The following CADM2 variants were observed in gnomAD, a reference collection of about 807,000 sequenced individuals.
CADM2 encodes the protein cell adhesion molecule 2, also known as immunoglobulin superfamily member 4D.
CADM2 carries 12 observed loss-of-function variants against 49.8 expected under a neutral mutation model. The ratio of observed to expected loss-of-function variants is 0.24; its 90% CI spans 0.15 to 0.39. CADM2 has a LOEUF of 0.39. Among genes scored for constraint, CADM2 ranks in the 10% least tolerant of loss-of-function variants. The probability of loss-of-function intolerance (pLI) is 1.00; values close to 1 mark genes in which losing one functional copy is unlikely to be tolerated. For synonymous variants in CADM2, 214 were observed against 175.4 expected (o/e 1.22, Z -1.74); for missense variants, 378 against 492.3 (o/e 0.77, Z 2.20).
intron 8 of CADM2, among the ~76,000 whole-genome samples, chr3:86,060,198 T>A (rs1738456224): frequency 1.3e-5 from 2 of 151,412 alleles, no homozygotes; most frequent in African/African-American, 4.9e-5. Context: ...TACAACAAAT[T>A]TTAACAGATC....
intron 3 of CADM2, among the ~76,000 whole-genome samples, chr3:85,856,584 G>A (rs965174636): frequency 1.2e-4 from 18 of 152,040 alleles, no homozygotes; most frequent in African/African-American, 3.9e-4. Flanking sequence ...TCAGAAATAT[G>A]GTCAAGGATT....
intron 8 of CADM2, among the ~76,000 whole-genome samples, chr3:86,059,439 G>T (rs538437059): frequency 3.9e-5 from 6 of 152,106 alleles, no homozygotes; most frequent in Non-Finnish European, 8.8e-5. Context: ...AACTCTAAAT[G>T]AAAGTTGTTA....
intron 1 of CADM2, among the ~76,000 whole-genome samples, chr3:85,199,476 T>G (rs1022080891): frequency 6.6e-6 from 1 of 151,710 alleles, no homozygotes; most frequent in African/African-American, 2.4e-5. Flanking sequence ...TTTCAAAATT[T>G]TTTTTTTTTA....
intron 1 of CADM2, among the ~76,000 whole-genome samples, chr3:85,487,341 T>C (rs2039460739): frequency 6.6e-6 from 1 of 152,094 alleles, no homozygotes; most frequent in Non-Finnish European, 1.5e-5. Flanking sequence ...AAACAACACA[T>C]CCATCTCTAG....
intron 5 of CADM2, among the ~76,000 whole-genome samples, chr3:85,896,896 A>G (rs1031165041): frequency 2.6e-5 from 4 of 152,198 alleles, no homozygotes; most frequent in South Asian, 2.1e-4. Flanking sequence ...CTCAGGTGGT[A>G]GTTTACAAAA....
intron 1 of CADM2, among the ~76,000 whole-genome samples, chr3:85,100,343 C>T (rs1467018773): frequency 1.3e-5 from 2 of 152,104 alleles, no homozygotes; most frequent in African/African-American, 4.8e-5. Flanking sequence ...TGCTTTCAAG[C>T]GTGCAGTGAT....
chr3:85,306,536 G>A (rs928170767), intron 1 of CADM2, among the ~76,000 whole-genome samples: 19 of 151,682 alleles, frequency 1.3e-4, no homozygotes, highest in African/African-American at 4.1e-4. Flanking sequence ...ACATGGAATA[G>A]TTTTCACCAA....
chr3:85,769,489 A>ATATATACATATATGTATATATACACG lies in CADM2; in HGVS notation c.89-32492_89-32467dup, dbSNP rs71112115. On this transcript the variant is annotated intron_variant, in intron 2 of 9. Coordinates refer to ENST00000383699, the MANE Select transcript of CADM2 (RefSeq NM_001167675.2). ...ATATAGTATATATACACGTATATAC[A>ATATATACATATATGTATATATACACG]TATATACATATATGTATATATACAC... Among the ~76,000 whole-genome samples the ATATATACATATATGTATATATACACG allele has an allele frequency of 7.2e-3, 399 of 55,282 alleles. 44 individuals are homozygous for ATATATACATATATGTATATATACACG. The highest frequency in any genetic ancestry group is 0.035 in the African/African-American group (330 of 9,414). 36.3% of individuals were successfully genotyped at this position (55,282 alleles called of 152,430 possible).
chr3:85,315,108 A>G (rs968091199), intron 1 of CADM2, among the ~76,000 whole-genome samples: 13 of 152,138 alleles, frequency 8.5e-5, no homozygotes, highest in African/African-American at 2.9e-4. Flanking sequence ...TAGCTTGCAG[A>G]TATGTCACTC....
intron 1 of CADM2, among the ~76,000 whole-genome samples, chr3:85,182,584 A>G (rs2040963174): frequency 6.6e-6 from 1 of 152,106 alleles, no homozygotes; most frequent in Admixed American, 6.6e-5. Context: ...TAGATGTAAC[A>G]TTGTATGTTA....
At chr3:85,974,085 A>G (rs1024616348) in intron 8 of CADM2, among the ~76,000 whole-genome samples, 2 of 151,720 alleles carry the variant, frequency 1.3e-5, no homozygotes, top group Non-Finnish European at 2.9e-5. Context: ...TATAAGGCTG[A>G]GCCTACAGTT....
chr3:85,108,732 A>G (rs1446125355), intron 1 of CADM2, among the ~76,000 whole-genome samples: 2 of 152,176 alleles, frequency 1.3e-5, no homozygotes, highest in African/African-American at 4.8e-5. Flanking sequence ...TAAGAAATAG[A>G]TAGAAGGGAT....
intron 1 of CADM2, among the ~76,000 whole-genome samples, chr3:85,447,522 A>G (rs13320662): frequency 1.0e-3 from 157 of 152,314 alleles, no homozygotes; most frequent in African/African-American, 3.7e-3. Context: ...CTACAGGAAG[A>G]ATGATAAAGC....
chr3:85,987,389 T>G (rs79187479), intron 8 of CADM2, among the ~76,000 whole-genome samples: 9,842 of 151,774 alleles, frequency 0.065, 849 homozygotes, highest in African/African-American at 0.19. Flanking sequence ...TAAACAGGTC[T>G]ATTTATATAG....
At chr3:85,403,795 A>T (rs569480215) in intron 1 of CADM2, among the ~76,000 whole-genome samples, 1 of 152,282 alleles carries the variant, frequency 6.6e-6, no homozygotes, top group African/African-American at 2.4e-5. Flanking sequence ...CCAGCACAAT[A>T]TTCAAAGCTG....
intron 1 of CADM2, among the ~76,000 whole-genome samples, chr3:85,083,407 C>T (rs891421460): frequency 6.6e-6 from 1 of 152,038 alleles, no homozygotes; most frequent in Non-Finnish European, 1.5e-5. Flanking sequence ...CAAAGTTTAC[C>T]TTTTCTTCTC....
At chr3:86,020,309 G>C (rs1281012867) in intron 8 of CADM2, among the ~76,000 whole-genome samples, 1 of 151,594 alleles carries the variant, frequency 6.6e-6, no homozygotes, top group African/African-American at 2.4e-5. Context: ...TCTCTGAATA[G>C]ACCAATAACA....
intron 1 of CADM2, among the ~76,000 whole-genome samples, chr3:84,984,819 C>A (rs1188622986): frequency 1.3e-5 from 2 of 152,138 alleles, no homozygotes; most frequent in Non-Finnish European, 2.9e-5. Flanking sequence ...GCACACACAT[C>A]TTAATATCAC....
intron 1 of CADM2, among the ~76,000 whole-genome samples, chr3:85,652,772 C>CTTTCTTTTTTT (rs2065083763): frequency 5.9e-5 from 3 of 50,782 alleles, no homozygotes; most frequent in Non-Finnish European, 3.5e-5. Flanking sequence ...TTTTTCTTTT[C>CTTTCTTTTTTT]TTTTTTTTTT....
Sources: allele counts gnomAD v4.1 joint callset (sites outside exome capture counted in the v4.1 genomes callset), GRCh38; gene constraint gnomAD v4.1.1; transcripts MANE v1.5; gene names NCBI Gene and HGNC (gene_info 2026-07-23, HGNC 2026-07-21).